The following CFAP61 variants were observed in gnomAD, a reference collection of about 807,000 sequenced individuals.
CFAP61 encodes cilia- and flagella-associated protein 61.
A neutral mutation model predicts 135.6 loss-of-function variants in CFAP61; 107 were observed. The observed-to-expected ratio is 0.79, with a 90% CI of 0.67 to 0.93. The LOEUF is 0.93. CFAP61 is among the 40% of genes least tolerant of loss of function. The probability of loss-of-function intolerance (pLI) is 0.00; values close to 1 mark genes in which losing one functional copy is unlikely to be tolerated. For missense variants in CFAP61, 1,507 were observed against 1,556.2 expected, an observed-to-expected ratio of 0.97 and a Z score of 0.53; for synonymous variants, 575 against 578.5, an observed-to-expected ratio of 0.99 and a Z score of 0.09.
Position 20,199,783 on chromosome 20 carries a change from G to T in CFAP61, c.1813G>T (p.Ala605Ser). The change falls in exon 17 of 27, where the codon GCC becomes TCC. Residue 605 changes from alanine (A) to serine (S), a missense_variant. Transcript: ENST00000245957. ...TGTCTTTCAGTTCCAGAACCCCTAC[G>T]CCCACTCCCTGACATCTGCCCTTCA... Reference protein sequence around the residue: ...SREGKFQNPYAHSLTSALHYL... With the variant: ...SREGKFQNPYSHSLTSALHYL... 1 of 1,613,944 alleles carries T rather than the reference G, an allele frequency of 6.2e-7. No homozygotes were observed. Among genetic ancestry groups the T allele is most frequent in the Non-Finnish European group, 8.5e-7 (1 of 1,179,972 alleles).
chr20:20,271,828 A>G (rs1031229385), intron 21 of CFAP61, among the ~76,000 whole-genome samples: 1 of 152,216 alleles, frequency 6.6e-6, no homozygotes, highest in East Asian at 1.9e-4. Flanking sequence ...AATCGAGAGC[A>G]AAAGCTGGTC....
At chr20:20,171,889 C>A in intron 13 of CFAP61, 1 of 640,400 alleles carries the variant, frequency 1.6e-6, no homozygotes, top group Non-Finnish European at 2.8e-6. Context: ...TCCTTGTGCT[C>A]AGAGCTAGCT....
In CFAP61 at chr20:20,052,536, T is replaced by G. The variant is rs1273510311; in HGVS notation, c.-92T>G. 6.2e-7 allele frequency: 1 copy of G among 1,614,230 alleles called. No individual in the cohort carries two copies. The highest frequency in any genetic ancestry group is 1.7e-5 in the Admixed American group (1 of 60,034). ...GGCACCGTTTCCATGGTGACCAGGC[T>G]GCGCGTCCTCCTTGCGGCAGCGCGT... On this transcript the variant is annotated 5_prime_UTR_variant, in exon 1 of 27. Coordinates refer to ENST00000245957, the MANE Select transcript of CFAP61 (RefSeq NM_015585.4).
At chr20:20,095,287 A>T (rs1394151883) in intron 7 of CFAP61, among the ~76,000 whole-genome samples, 2 of 152,170 alleles carry the variant, frequency 1.3e-5, no homozygotes, top group Non-Finnish European at 2.9e-5. Flanking sequence ...AATGCTACAG[A>T]TCTGGGCTTT....
chr20:20,238,994 T>G (rs2049817013), intron 18 of CFAP61, among the ~76,000 whole-genome samples: 1 of 152,156 alleles, frequency 6.6e-6, no homozygotes, highest in Admixed American at 6.5e-5. Flanking sequence ...CCTTTGATTT[T>G]GGAGCTGAGG....
intron 17 of CFAP61, among the ~76,000 whole-genome samples, chr20:20,216,005 G>A (rs1379607791): frequency 6.6e-6 from 1 of 152,130 alleles, no homozygotes; most frequent in African/African-American, 2.4e-5. Context: ...TAATGATTTG[G>A]TAGTACATGC....
At chr20:20,159,527 T>A in intron 10 of CFAP61, 83 bp downstream of exon 10, 1 of 1,207,592 alleles carries the variant, frequency 8.3e-7, no homozygotes, top group Non-Finnish European at 1.2e-6. Context: ...TTTGTGCCCT[T>A]TCCTCCTCCC....
chr20:20,354,003 C>G (rs2058949331), intron 26 of CFAP61, among the ~76,000 whole-genome samples: 1 of 152,122 alleles, frequency 6.6e-6, no homozygotes, highest in Non-Finnish European at 1.5e-5. Context: ...ATCAATGTAT[C>G]AAAGAAATAT....
chr20:20,176,609 G>A (rs775399869), intron 13 of CFAP61, among the ~76,000 whole-genome samples: 1 of 152,174 alleles, frequency 6.6e-6, no homozygotes, highest in Non-Finnish European at 1.5e-5. Context: ...CACAGGAACA[G>A]AAAACCAAAC....
chr20:20,267,035 A>G (rs1346733572), intron 21 of CFAP61, among the ~76,000 whole-genome samples: 3 of 152,174 alleles, frequency 2.0e-5, no homozygotes, highest in Non-Finnish European at 4.4e-5. Context: ...GATGAAGTTG[A>G]GGATATCAGT....
At chr20:20,069,873 C>T (rs969451444) in intron 2 of CFAP61, 8 of 389,510 alleles carry the variant, frequency 2.1e-5, no homozygotes, top group Non-Finnish European at 4.1e-5. Context: ...ATGCTTGCTT[C>T]TTCCTGTTCT....
intron 22 of CFAP61, among the ~76,000 whole-genome samples, chr20:20,285,775 C>A (rs1198043016): frequency 6.6e-6 from 1 of 151,776 alleles, no homozygotes; most frequent in African/African-American, 2.4e-5. Flanking sequence ...AAAAAATTAG[C>A]CGGGTATGGT....
In CFAP61 at chr20:20,273,068, A is replaced by G. The variant is rs558246280; in HGVS notation, c.2504-4098A>G. Among the ~76,000 whole-genome samples, 4 of 131,734 alleles carry G rather than the reference A, an allele frequency of 3.0e-5. No individual in the cohort carries two copies. The South Asian group carries it at 9.5e-4, about 31-fold the overall frequency. The allele number at this position is 131,734 out of a possible 152,430, so 86.4% of individuals were successfully genotyped here. A position where few individuals can be genotyped will look rare whatever the true frequency, so the allele number is the denominator to read the frequency against. ...TTTTTTTTTTTTTTTTTTTGTAGAG[A>G]CAGGGCTATGATGTGTTTCCCAGGC... On this transcript the variant is annotated intron_variant, in intron 21 of 26. Coordinates refer to ENST00000245957, the MANE Select transcript of CFAP61 (RefSeq NM_015585.4).
intron 18 of CFAP61, among the ~76,000 whole-genome samples, chr20:20,232,393 G>A (rs758108182): frequency 1.3e-5 from 2 of 148,348 alleles, no homozygotes; most frequent in Admixed American, 6.6e-5. Flanking sequence ...AAAAAAAAAA[G>A]AAGAAGAAGA....
Position 20,341,933 on chromosome 20 carries a change from T to C in CFAP61, c.3513+12T>C. 1 of 1,565,022 alleles carries C rather than the reference T, an allele frequency of 6.4e-7. No individual in the cohort carries two copies. Among genetic ancestry groups the C allele is most frequent in the Non-Finnish European group, 8.8e-7 (1 of 1,136,946 alleles). On this transcript the variant is annotated intron_variant, in intron 26 of 26. Coordinates refer to ENST00000245957, the MANE Select transcript of CFAP61 (RefSeq NM_015585.4). ...TAGCCTCCAAGGAGGTAAGAGTGATTAATGGATATGTGGATTATTCCTTGC... is the reference window on the plus strand; with the variant it reads ...TAGCCTCCAAGGAGGTAAGAGTGATCAATGGATATGTGGATTATTCCTTGC...
chr20:20,210,811 G>C (rs898275839), intron 17 of CFAP61, among the ~76,000 whole-genome samples: 2 of 152,042 alleles, frequency 1.3e-5, no homozygotes, highest in African/African-American at 2.4e-5. Flanking sequence ...GTTACATCCC[G>C]TTAATAAATT....
chr20:20,346,091 C>T (rs1411233989), intron 26 of CFAP61, among the ~76,000 whole-genome samples: 13 of 130,122 alleles, frequency 1.0e-4, no homozygotes, highest in Non-Finnish European at 1.8e-4. Context: ...TTAGTAGAGA[C>T]GGGGTTTCAC....
At chr20:20,139,635 G>A (rs1412485541) in intron 8 of CFAP61, among the ~76,000 whole-genome samples, 1 of 152,160 alleles carries the variant, frequency 6.6e-6, no homozygotes, top group Non-Finnish European at 1.5e-5. Flanking sequence ...AGAGACACTG[G>A]AGAGAGAGAT....
chr20:20,319,724 C>G (rs1015813874), intron 25 of CFAP61, among the ~76,000 whole-genome samples: 4 of 152,184 alleles, frequency 2.6e-5, no homozygotes, highest in African/African-American at 9.7e-5. Flanking sequence ...CAAGAATGGA[C>G]TAATACAATT....
Sources: gnomAD v4.1 joint callset for allele counts (sites outside exome capture counted in the v4.1 genomes callset) on GRCh38, gnomAD v4.1.1 for gene constraint, MANE v1.5 for transcripts, NCBI Gene and HGNC (gene_info 2026-07-23, HGNC 2026-07-21) for gene names.